UBE2D4: variants seen among roughly 807,000 people sequenced by gnomAD.
UBE2D4 encodes ubiquitin-conjugating enzyme E2 D4.
In UBE2D4, 17 loss-of-function variants were observed where a neutral mutation model predicts 23.0. That is an observed-to-expected ratio of 0.74 (90% CI 0.51 to 1.11). The LOEUF is 1.11. Among genes scored for constraint, UBE2D4 ranks in the 50% least tolerant of loss-of-function variants. The pLI is 0.00. For missense variants in UBE2D4, 139 were observed against 181.8 expected (o/e 0.76, Z 1.35); for synonymous variants, 61 against 69.4 (o/e 0.88, Z 0.60).
rs761062910 is a variant in UBE2D4, at chr7:43,926,600, T to A, written c.24+44T>A. ...TCCAACTCTTTGGGTGTCCGAAGCG[T>A]CGAGGTGTGGGCGGGGCGCCGCTGC... On this transcript the variant is annotated intron_variant, in intron 1 of 6. Transcript: ENST00000222402. 3.9e-6 allele frequency: 6 copies of A among 1,541,112 alleles called. 1 individual carries two copies. The Admixed American group carries it at 1.2e-4, about 31-fold the overall frequency.
At chr7:43,940,566 A>G (rs2095969546) in intron 2 of UBE2D4, among the ~76,000 whole-genome samples, 2 of 152,220 alleles carry the variant, frequency 1.3e-5, no homozygotes. Flanking sequence ...GATGAGGTTC[A>G]GACAGCACTG....
chr7:43,950,551 C>T, intron 5 of UBE2D4, 48 bp from the exon 6 acceptor site: 1 of 1,508,266 alleles, frequency 6.6e-7, no homozygotes, highest in South Asian at 1.1e-5. Context: ...CAGGGGTGAC[C>T]CAGCAGCTTC....
At chr7:43,939,261 A>G (rs549697031) in intron 2 of UBE2D4, among the ~76,000 whole-genome samples, 10 of 152,316 alleles carry the variant, frequency 6.6e-5, no homozygotes, top group African/African-American at 2.2e-4. Flanking sequence ...GGCAGTCCCT[A>G]TTATTTTCTC....
chr7:43,942,720 G>C, intron 2 of UBE2D4, 106 bp from the exon 3 acceptor site: 1 of 1,508,642 alleles, frequency 6.6e-7, no homozygotes, highest in Middle Eastern at 1.9e-4. Flanking sequence ...TCAGAAGTGA[G>C]TGCATCTTGT....
At chr7:43,935,701 T>C (rs374217015) in intron 1 of UBE2D4, among the ~76,000 whole-genome samples, 27 of 152,152 alleles carry the variant, frequency 1.8e-4, no homozygotes, top group African/African-American at 6.0e-4. Flanking sequence ...AAGATCTAAG[T>C]CTTGATGAGG....
chr7:43,933,834 G>A (rs1033378754), intron 1 of UBE2D4, among the ~76,000 whole-genome samples: 14 of 152,214 alleles, frequency 9.2e-5, no homozygotes, highest in South Asian at 4.1e-4. Context: ...AAATGTTCAC[G>A]TCTCTGAAAT....
Position 43,948,645 on chromosome 7 carries a change from C to T in UBE2D4, c.212C>T (p.Thr71Ile), listed in dbSNP as rs1225155901. The change falls in exon 5 of 7, where the codon ACC becomes ATC. Residue 71 changes from threonine to isoleucine, a missense_variant. Thr to Ile is a moderately conservative substitution (Grantham distance 89). Transcript: ENST00000222402. ...TTGTCTTTGCAGGTTGCTTTCACAA[C>T]CAAAATTTATCACCCTAATATCAAC... ...PFKPPKVAFT[T>I]KIYHPNINSN... 1.3e-5 allele frequency: 21 copies of T among 1,607,350 alleles called. No individual in the cohort carries two copies. Among genetic ancestry groups the T allele is most frequent in the East Asian group, 2.2e-5 (1 of 44,698 alleles).
At chr7:43,942,534 A>G (rs1412818715) in intron 2 of UBE2D4, 1 of 563,178 alleles carries the variant, frequency 1.8e-6, no homozygotes, top group East Asian at 3.0e-5. Context: ...ACACATCCTG[A>G]CTCCACGGAG....
At chr7:43,933,431 G>A (rs1393303183) in intron 1 of UBE2D4, among the ~76,000 whole-genome samples, 2 of 152,100 alleles carry the variant, frequency 1.3e-5, no homozygotes, top group East Asian at 1.9e-4. Flanking sequence ...GATTATAAAG[G>A]TAGTAATTGT....
At position 43,953,463 on chromosome 7, in the gene UBE2D4, G is replaced by A; in HGVS notation, c.*768G>A. On this transcript the variant is annotated 3_prime_UTR_variant, in exon 7 of 7. Coordinates refer to ENST00000222402, the MANE Select transcript of UBE2D4 (RefSeq NM_015983.4). ...CTCACTACCGCCCGCTCCTCCCATA[G>A]GAGCCTACACTAAGTCCAAGTGTGA... is the stretch of plus-strand genomic sequence containing the variant. 3.0e-6 allele frequency: 1 copy of A among 327,924 alleles called. No individual in the cohort carries two copies. Among genetic ancestry groups the A allele is most frequent in the South Asian group, 2.5e-5 (1 of 40,684 alleles). 20.3% of individuals were successfully genotyped at this position (327,924 alleles called of 1,614,324 possible).
In UBE2D4 at chr7:43,950,612, C is replaced by T; in HGVS notation, c.318C>T (p.Ile106=). ...TTTTCTTCCCAGTTCTCTTGTCCATCTGCTCGCTGCTCTGCGACCCCAACC... is the reference window on the plus strand; with the variant it reads ...TTTTCTTCCCAGTTCTCTTGTCCATTTGCTCGCTGCTCTGCGACCCCAACC... ...ALTVSKVLLS[I]CSLLCDPNPD... The change falls in exon 6 of 7, where the codon ATC becomes ATT. Residue 106 remains isoleucine, a synonymous_variant. Transcript: ENST00000222402. 1.2e-6 allele frequency: 2 copies of T among 1,614,218 alleles called. No individual in the cohort carries two copies. Among genetic ancestry groups the T allele is most frequent in the Non-Finnish European group, 1.7e-6 (2 of 1,180,008 alleles).
chr7:43,932,984 GTA>G (rs57093593), intron 1 of UBE2D4, among the ~76,000 whole-genome samples: 12,737 of 85,738 alleles, frequency 0.15, 845 homozygotes, highest in Admixed American at 0.2. Flanking sequence ...AAATGTTAAA[GTA>G]TATATATATA....
chr7:43,926,485 C>T lies in UBE2D4; in HGVS notation c.-48C>T. ...GGCGGCTGAGCCGGCAGCGGGCCGC[C>T]TCAGGCAGCCCCGGCCGGGCCGCCC... On this transcript the variant is annotated 5_prime_UTR_variant, in exon 1 of 7. Coordinates refer to ENST00000222402, the MANE Select transcript of UBE2D4 (RefSeq NM_015983.4). 3 of 1,458,358 alleles carry T rather than the reference C, an allele frequency of 2.1e-6. No homozygotes were observed. The highest frequency in any genetic ancestry group is 1.5e-5 in the African/African-American group (1 of 68,690). The allele number at this position is 1,458,358 out of a possible 1,614,324, so 90.3% of individuals were successfully genotyped here.
intron 1 of UBE2D4, among the ~76,000 whole-genome samples, chr7:43,934,691 T>A (rs1414438724): frequency 6.6e-6 from 1 of 151,538 alleles, no homozygotes; most frequent in East Asian, 1.9e-4. Context: ...AATGACCAAG[T>A]ACACACACAC....
At chr7:43,940,917 C>T (rs2095970661) in intron 2 of UBE2D4, 1 of 152,150 alleles carries the variant, frequency 6.6e-6, no homozygotes, top group African/African-American at 2.4e-5. Flanking sequence ...TTTATTAACT[C>T]AGGCAGGCTT....
intron 6 of UBE2D4, among the ~76,000 whole-genome samples, chr7:43,951,562 A>G (rs1205142001): frequency 5.3e-5 from 8 of 151,946 alleles, no homozygotes; most frequent in Non-Finnish European, 1.2e-4. Flanking sequence ...ACAAGGTCTC[A>G]TTCTGTTGCC....
intron 1 of UBE2D4, among the ~76,000 whole-genome samples, chr7:43,927,268 A>G (rs1047883606): frequency 1.3e-5 from 2 of 151,386 alleles, no homozygotes; most frequent in African/African-American, 4.9e-5. Flanking sequence ...ATAATAGTAA[A>G]TGTAAGCATG....
At chr7:43,933,382 C>G (rs1250206749) in intron 1 of UBE2D4, among the ~76,000 whole-genome samples, 2 of 151,928 alleles carry the variant, frequency 1.3e-5, no homozygotes, top group Non-Finnish European at 2.9e-5. Flanking sequence ...CTGCATAATA[C>G]TTGGTTTAGT....
intron 2 of UBE2D4, chr7:43,942,087 G>A: frequency 6.5e-6 from 1 of 152,846 alleles, no homozygotes; most frequent in East Asian, 1.9e-4. Flanking sequence ...GACCAGCCAT[G>A]TGATTTCAGG....
Sources: gnomAD v4.1 joint callset for allele counts (sites outside exome capture counted in the v4.1 genomes callset) on GRCh38, gnomAD v4.1.1 for gene constraint, MANE v1.5 for transcripts, NCBI Gene and HGNC (gene_info 2026-07-23, HGNC 2026-07-21) for gene names.